Variants in ZNF518A observed in about 807,000 individuals in gnomAD.
The protein encoded by ZNF518A is zinc finger protein 518A.
ZNF518A carries 47 observed loss-of-function variants against 102.7 expected under a neutral mutation model. The ratio of observed to expected loss-of-function variants is 0.46; its 90% CI spans 0.36 to 0.58. ZNF518A has a LOEUF of 0.58. ZNF518A is among the 20% of genes least tolerant of loss of function. ZNF518A has a pLI of 0.00. For missense variants in ZNF518A, 1,793 were observed against 1,699.8 expected (o/e 1.05, Z -0.96); for synonymous variants, 652 against 594.6 (o/e 1.10, Z -1.40).
At chr10:96,166,544 G>A (rs989520026), downstream of ZNF518A, among the ~76,000 whole-genome samples, 25 of 152,152 alleles carry the variant, frequency 1.6e-4, no homozygotes, top group Admixed American at 3.3e-4. Flanking sequence ...CGAGACGGGC[G>A]GATCACAAGG....
intron 1 of ZNF518A, chr10:96,189,365 G>A (rs587613453): frequency 1.8e-6 from 1 of 567,658 alleles, no homozygotes; most frequent in South Asian, 1.4e-5. Flanking sequence ...ATTTTCTAAA[G>A]AGACTTCCTC....
intron 1 of ZNF518A, chr10:96,191,653 T>C: frequency 4.5e-6 from 1 of 224,604 alleles, no homozygotes; most frequent in Admixed American, 5.3e-5. Flanking sequence ...GCCACTTTGT[T>C]TTATGCAAGA....
At position 96,156,814 on chromosome 10, in the gene ZNF518A, A is replaced by T. The variant is rs917179308; in HGVS notation, c.492A>T (p.Val164=). The T allele has an allele frequency of 5.0e-6, 8 of 1,613,948 alleles. No individual in the cohort carries two copies. The highest frequency in any genetic ancestry group is 6.8e-6 in the Non-Finnish European group (8 of 1,179,832). The change falls in exon 6 of 6, where the codon GTA becomes GTT. Residue 164 remains valine (V), a synonymous_variant. Coordinates refer to ENST00000316045, the MANE Select transcript of ZNF518A (RefSeq NM_001330736.2). ...ACTTTTCAGCAAATGACTTTCAGGT[A>T]TTTAAACAACACAGACGAACCCATA... ...MCNFSANDFQ[V]FKQHRRTHRS...
At position 96,156,498 on chromosome 10, in the gene ZNF518A, A is replaced by G. The variant is rs1219542957; in HGVS notation, c.176A>G (p.Asn59Ser). Residue 59 changes from asparagine (N) to serine (S), a missense_variant, in exon 6 of 6, where the codon AAT becomes AGT. Around this residue, in one of 3 missense-constraint regions of ZNF518A, gnomAD observed 1,741 missense variants for 1,622.6 expected, o/e 1.07. Coordinates refer to ENST00000316045, the MANE Select transcript of ZNF518A (RefSeq NM_001330736.2). Reference sequence around the variant, plus strand: ...GATTTGCCAAAAATAAATATTCCAAATGAAGTCCTATTGAAACATGAAGTT... The same window carrying G: ...GATTTGCCAAAAATAAATATTCCAAGTGAAGTCCTATTGAAACATGAAGTT... The part of the protein sequence containing the change: ...KIDLPKINIP[N>S]EVLLKHEVDK... 1 of 1,610,768 alleles carries G rather than the reference A, an allele frequency of 6.2e-7. No individual in the cohort carries two copies. Among genetic ancestry groups the G allele is most frequent in the Non-Finnish European group, 8.5e-7 (1 of 1,179,110 alleles).
At chr10:96,196,774 C>G in intron 1 of ZNF518A, 1 of 874,188 alleles carries the variant, frequency 1.1e-6, no homozygotes, top group Non-Finnish European at 1.8e-6. Flanking sequence ...ATCTTGTTCT[C>G]TATGACATTT....
Position 96,156,398 on chromosome 10 carries a change from G to A in ZNF518A, c.76G>A (p.Glu26Lys). ...TLKKDYDVKN[E>K]IVDRSAPKPK... ...AAAAAAAGATTATGATGTGAAAAATGAGATAGTTGATAGGTCGGCACCTAA... is the reference window on the plus strand; with the variant it reads ...AAAAAAAGATTATGATGTGAAAAATAAGATAGTTGATAGGTCGGCACCTAA... Residue 26 changes from glutamate (E) to lysine (K), a missense_variant, in exon 6 of 6, where the codon GAG (glutamate) becomes AAG (lysine). Physicochemically the swap from Glu to Lys is moderately conservative, Grantham distance 56. Coordinates refer to ENST00000316045, the MANE Select transcript of ZNF518A (RefSeq NM_001330736.2). 1 of 1,604,510 alleles carries A rather than the reference G, an allele frequency of 6.2e-7. No individual in the cohort carries two copies. Among genetic ancestry groups the A allele is most frequent in the Non-Finnish European group, 8.5e-7 (1 of 1,177,440 alleles).
At position 96,204,046 on chromosome 10, in the gene ZNF518A, G is replaced by T; in HGVS notation, n.217G>T. 1 of 1,611,626 alleles carries T rather than the reference G, an allele frequency of 6.2e-7. No homozygotes were observed. The highest frequency in any genetic ancestry group is 8.5e-7 in the Non-Finnish European group (1 of 1,177,780). On this transcript the variant is annotated non_coding_transcript_exon_variant, in exon 3 of 3. Transcript: ENST00000442635. ...ACTCCCTGATACACTACATGGCTTC[G>T]TTGTACTTACTTGGCAGAGGTATGG... is the stretch of plus-strand genomic sequence containing the variant.
chr10:96,203,093 T>C (rs1554896620), intron 1 of ZNF518A, among the ~76,000 whole-genome samples: 2 of 152,224 alleles, frequency 1.3e-5, no homozygotes, highest in African/African-American at 2.4e-5. Context: ...ATAAGTTTCA[T>C]GAGGACAGGG....
In ZNF518A at chr10:96,158,116, A is replaced by G. The variant is rs61731061; in HGVS notation, c.1794A>G (p.Pro598=). ...TATTAGGTACCACCATTAAAAGTCCAGATAAAGTCAACTGTGTTGCCAAAC... is the reference window on the plus strand; with the variant it reads ...TATTAGGTACCACCATTAAAAGTCCGGATAAAGTCAACTGTGTTGCCAAAC... The part of the protein sequence containing the change: ...PEVLGTTIKS[P]DKVNCVAKPN... The change falls in exon 6 of 6, where the codon CCA becomes CCG. Residue 598 remains proline, a synonymous_variant. Coordinates refer to ENST00000316045, the MANE Select transcript of ZNF518A (RefSeq NM_001330736.2). The G allele has an allele frequency of 3.4e-4, 550 of 1,613,594 alleles. 2 individuals are homozygous for G. In the African/African-American group the frequency reaches 6.7e-3, roughly 20 times the overall value.
intron 1 of ZNF518A, among the ~76,000 whole-genome samples, chr10:96,175,101 G>A (rs1554891300): frequency 6.6e-6 from 1 of 152,098 alleles, no homozygotes; most frequent in African/African-American, 2.4e-5. Flanking sequence ...GGAAATAAAT[G>A]CCTGTTGTCT....
chr10:96,174,640 A>G (rs587766125), intron 1 of ZNF518A, among the ~76,000 whole-genome samples: 3 of 152,194 alleles, frequency 2.0e-5, no homozygotes, highest in African/African-American at 4.8e-5. Context: ...GAAGAAACCT[A>G]TGACGAGTAA....
intron 3 of ZNF518A, among the ~76,000 whole-genome samples, chr10:96,153,947 T>C (rs1460227407): frequency 2.6e-5 from 4 of 152,234 alleles, no homozygotes; most frequent in Admixed American, 2.0e-4. Context: ...CTGTCTGTTA[T>C]GTTTTCACAA....
At position 96,160,038 on chromosome 10, in the gene ZNF518A, G is replaced by T. The variant is rs2082926302; in HGVS notation, c.3716G>T (p.Cys1239Phe). ...ESRVLRCKTN[C>F]RIERNFNRKK... ...AGGGTATTAAGGTGTAAAACAAATT[G>T]TAGAATTGAGAGGAACTTCAATAGA... Residue 1239 changes from cysteine (C) to phenylalanine (F), a missense_variant, in exon 6 of 6, where the codon TGT (cysteine) becomes TTT (phenylalanine). Cys to Phe is a radical substitution (Grantham distance 205). This residue lies in a region of ZNF518A where 1,741 missense variants were observed against 1,622.6 expected (regional missense o/e 1.07). Coordinates refer to ENST00000316045, the MANE Select transcript of ZNF518A (RefSeq NM_001330736.2). 1.9e-6 allele frequency: 3 copies of T among 1,610,842 alleles called. No individual in the cohort carries two copies. Among genetic ancestry groups the T allele is most frequent in the African/African-American group, 1.3e-5 (1 of 74,744 alleles).
chr10:96,162,460 A>G lies in ZNF518A; in HGVS notation c.*1686A>G, dbSNP rs1294253043. ...GGTCCCAAATGGGCCCATTCCCCTAATAGTTTTATTTTTAAAGAAAGCCAT... is the reference window on the plus strand; with the variant it reads ...GGTCCCAAATGGGCCCATTCCCCTAGTAGTTTTATTTTTAAAGAAAGCCAT... On this transcript the variant is annotated 3_prime_UTR_variant, in exon 6 of 6. Transcript: ENST00000316045. 6.0e-6 allele frequency: 1 copy of G among 166,922 alleles called. No homozygotes were observed. The highest frequency in any genetic ancestry group is 1.5e-5 in the Non-Finnish European group (1 of 68,028). The allele number at this position is 166,922 out of a possible 1,614,324, so 10.3% of individuals were successfully genotyped here.
At chr10:96,195,439 A>G (rs1222587764) in intron 1 of ZNF518A, among the ~76,000 whole-genome samples, 3 of 152,236 alleles carry the variant, frequency 2.0e-5, no homozygotes, top group African/African-American at 7.2e-5. Context: ...TTAGACACAC[A>G]AAATGTGGTA....
At chr10:96,145,360 G>A (rs1370074668) in intron 3 of ZNF518A, among the ~76,000 whole-genome samples, 4 of 152,184 alleles carry the variant, frequency 2.6e-5, no homozygotes, top group African/African-American at 9.7e-5. Flanking sequence ...GTGAGCCACC[G>A]CTCCTGGTCG....
chr10:96,191,669 AT>A, intron 1 of ZNF518A: 1 of 238,620 alleles, frequency 4.2e-6, no homozygotes. Context: ...CAAGAGCATT[AT>A]TTTCTTATTT....
chr10:96,178,857 AC>A (rs1205351542), intron 1 of ZNF518A, among the ~76,000 whole-genome samples: 18 of 152,222 alleles, frequency 1.2e-4, no homozygotes, highest in African/African-American at 4.1e-4. Flanking sequence ...AGACAAATTA[AC>A]AAAACAAAAA....
intron 3 of ZNF518A, among the ~76,000 whole-genome samples, chr10:96,146,050 C>A (rs1256422772): frequency 6.6e-6 from 1 of 152,050 alleles, no homozygotes; most frequent in East Asian, 1.9e-4. Context: ...TATCCATTTT[C>A]TATCCATCTA....
Sources: allele counts gnomAD v4.1 joint callset (sites outside exome capture counted in the v4.1 genomes callset), GRCh38; gene constraint gnomAD v4.1.1; regional missense constraint gnomAD v4.1.1; transcripts MANE v1.5; gene names NCBI Gene and HGNC (gene_info 2026-07-23, HGNC 2026-07-21).